FRMD4A: variants seen among roughly 807,000 people sequenced by gnomAD.
FRMD4A encodes the protein FERM domain-containing protein 4A.
FRMD4A carries 29 observed loss-of-function variants against 129.1 expected under a neutral mutation model. The observed-to-expected ratio is 0.22, with a 90% CI of 0.17 to 0.31. The LOEUF is 0.31. Ranked by LOEUF, FRMD4A falls within the 10% of genes least tolerant of loss-of-function variation. The pLI, the probability that FRMD4A is intolerant of heterozygous loss-of-function variation, is 1.00. For synonymous variants in FRMD4A, 634 were observed against 571.6 expected (o/e 1.11, Z -1.56); for missense variants, 1,272 against 1,375.8 (o/e 0.92, Z 1.19).
chr10:13,856,128 A>G (rs2094210255), intron 3 of FRMD4A, among the ~76,000 whole-genome samples: 1 of 151,764 alleles, frequency 6.6e-6, no homozygotes, highest in Non-Finnish European at 1.5e-5. Flanking sequence ...ATGTATAGGT[A>G]GTGTGTATAT....
chr10:13,997,333 T>C (rs1042024359), intron 2 of FRMD4A, among the ~76,000 whole-genome samples: 5 of 152,308 alleles, frequency 3.3e-5, no homozygotes, highest in Admixed American at 6.5e-5. Flanking sequence ...GTCTCTACCA[T>C]GGTCTCTAAT....
intron 2 of FRMD4A, among the ~76,000 whole-genome samples, chr10:14,072,160 G>C (rs139117952): frequency 6.6e-6 from 1 of 152,096 alleles, no homozygotes; most frequent in Non-Finnish European, 1.5e-5. Flanking sequence ...GCTTTCTTCT[G>C]GATATCTAGT....
At chr10:13,670,048 A>G (rs1003064364) in intron 17 of FRMD4A, among the ~76,000 whole-genome samples, 1 of 152,138 alleles carries the variant, frequency 6.6e-6, no homozygotes, top group Admixed American at 6.5e-5. Context: ...CTTTTCTTCC[A>G]TAGATCACAC....
chr10:13,765,627 T>C (rs1399926669), intron 6 of FRMD4A, among the ~76,000 whole-genome samples: 2 of 152,136 alleles, frequency 1.3e-5, no homozygotes, highest in Non-Finnish European at 2.9e-5. Flanking sequence ...TACGGAAGAA[T>C]TGGGGACAAT....
intron 20 of FRMD4A, 86 bp downstream of exon 20, chr10:13,660,230 A>T: frequency 1.2e-6 from 1 of 860,506 alleles, no homozygotes; most frequent in Non-Finnish European, 1.9e-6. Context: ...GGATTTTGTC[A>T]CCGTGGATGC....
chr10:14,120,252 T>C (rs1589017921), intron 2 of FRMD4A, among the ~76,000 whole-genome samples: 1 of 152,138 alleles, frequency 6.6e-6, no homozygotes, highest in East Asian at 1.9e-4. Flanking sequence ...GCTTTTTTTT[T>C]TCTGAAGTCT....
At chr10:13,755,952 T>C (rs1307161658) in intron 8 of FRMD4A, 1 of 152,240 alleles carries the variant, frequency 6.6e-6, no homozygotes, top group Non-Finnish European at 1.5e-5. Context: ...AAGCATGTGA[T>C]GGGTTCTGCT....
intron 2 of FRMD4A, among the ~76,000 whole-genome samples, chr10:13,936,311 T>TA (rs2095248688): frequency 6.6e-6 from 1 of 152,170 alleles, no homozygotes; most frequent in African/African-American, 2.4e-5. Flanking sequence ...CAAAAATGGC[T>TA]AGAGTCTGAG....
At chr10:13,793,930 T>C (rs1384112942) in intron 5 of FRMD4A, among the ~76,000 whole-genome samples, 2 of 152,158 alleles carry the variant, frequency 1.3e-5, no homozygotes, top group Admixed American at 6.5e-5. Context: ...GTTACTGCAC[T>C]TCTTGGCCAG....
At chr10:13,796,095 A>T (rs1469804817) in intron 5 of FRMD4A, among the ~76,000 whole-genome samples, 1 of 152,118 alleles carries the variant, frequency 6.6e-6, no homozygotes. Flanking sequence ...GTTTCACGAG[A>T]TTCAAGTGGC....
intron 2 of FRMD4A, among the ~76,000 whole-genome samples, chr10:14,182,988 G>T (rs557951502): frequency 2.6e-5 from 4 of 152,144 alleles, no homozygotes; most frequent in Admixed American, 6.5e-5. Flanking sequence ...ATGTTGGTGC[G>T]TGGGGCTGTC....
intron 2 of FRMD4A, among the ~76,000 whole-genome samples, chr10:14,185,715 A>G (rs1842109754): frequency 6.6e-6 from 1 of 152,194 alleles, no homozygotes; most frequent in Admixed American, 6.5e-5. Flanking sequence ...CACCTTCAGT[A>G]GTTCTAGAGA....
intron 2 of FRMD4A, among the ~76,000 whole-genome samples, chr10:14,216,563 G>T (rs1052682768): frequency 6.6e-6 from 1 of 152,110 alleles, no homozygotes; most frequent in African/African-American, 2.4e-5. Context: ...GATTTTGTCT[G>T]ATTTTGTCTG....
intron 15 of FRMD4A, chr10:13,693,470 G>A (rs1021733803): frequency 2.0e-5 from 22 of 1,121,138 alleles, no homozygotes; most frequent in African/African-American, 1.9e-4. Context: ...TTTAAAAGCC[G>A]GAGAAACCCA....
At chr10:13,775,343 T>C (rs1373603979) in intron 6 of FRMD4A, among the ~76,000 whole-genome samples, 1 of 152,240 alleles carries the variant, frequency 6.6e-6, no homozygotes, top group Admixed American at 6.5e-5. Context: ...GATCCCATTG[T>C]TGGGGAGCCC....
At position 13,988,834 on chromosome 10, in the gene FRMD4A, A is replaced by G. The variant is rs564468332; in HGVS notation, c.46-129922T>C. On this transcript the variant is annotated intron_variant, in intron 2 of 24. Coordinates refer to ENST00000357447, the MANE Select transcript of FRMD4A (RefSeq NM_018027.5). ...CCTGAAACAAAGATGAAAAAGAAAA[A>G]TAACCTATGAGCATGGACGTCAGAG... 5.9e-5 allele frequency among the ~76,000 whole-genome samples: 9 copies of G among 152,278 alleles called. No homozygotes were observed. In the South Asian group the frequency reaches 1.5e-3, roughly 25 times the overall value.
At position 13,666,123 on chromosome 10, in the gene FRMD4A, G is replaced by A; in HGVS notation, c.1577C>T (p.Thr526Ile). 6.2e-7 allele frequency: 1 copy of A among 1,611,610 alleles called. No homozygotes were observed. Among genetic ancestry groups the A allele is most frequent in the Non-Finnish European group, 8.5e-7 (1 of 1,177,712 alleles). ...GTCTATGATCAGCGAAGCCCTCTGG[G>A]TGGGTTTCTTCCCAGACTTGATGCG... ...ENRIKSGKKP[T>I]QRASLIIDDG... The change falls in exon 18 of 25, where the codon ACC (threonine) becomes ATC (isoleucine). Residue 526 changes from threonine (T) to isoleucine (I), a missense_variant. Physicochemically the swap from Thr to Ile is moderately conservative, Grantham distance 89. This residue lies in a region of FRMD4A where 972 missense variants were observed against 892.3 expected (regional missense o/e 1.09). Coordinates refer to ENST00000357447, the MANE Select transcript of FRMD4A (RefSeq NM_018027.5).
chr10:14,073,840 G>A (rs571051135), intron 2 of FRMD4A, among the ~76,000 whole-genome samples: 10 of 152,244 alleles, frequency 6.6e-5, no homozygotes, highest in Non-Finnish European at 1.0e-4. Context: ...TGCATAGGGC[G>A]GTGGCTCATG....
intron 12 of FRMD4A, among the ~76,000 whole-genome samples, chr10:13,724,271 C>T (rs2089710637): frequency 6.6e-6 from 1 of 152,100 alleles, no homozygotes; most frequent in Non-Finnish European, 1.5e-5. Context: ...GCCTGTAGTC[C>T]CAGCTACTCG....
Sources: gnomAD v4.1 joint callset for allele counts (sites outside exome capture counted in the v4.1 genomes callset) on GRCh38, gnomAD v4.1.1 for gene constraint, gnomAD v4.1.1 regional missense constraint, MANE v1.5 for transcripts, NCBI Gene and HGNC (gene_info 2026-07-23, HGNC 2026-07-21) for gene names.